Variants in MYRIP observed in about 807,000 individuals in gnomAD.
MYRIP encodes the protein myosin VIIA and Rab interacting protein.
Under a neutral mutation model 98.0 loss-of-function variants are expected in MYRIP, and 49 were observed. The ratio of observed to expected loss-of-function variants is 0.50; its 90% CI spans 0.40 to 0.63. MYRIP has a LOEUF of 0.63. MYRIP is among the 30% of genes least tolerant of loss of function. MYRIP has a pLI of 0.00. For missense variants in MYRIP, 1,004 were observed against 1,058.2 expected (o/e 0.95, Z 0.71); for synonymous variants, 404 against 409.5 (o/e 0.99, Z 0.16).
intron 3 of MYRIP, among the ~76,000 whole-genome samples, chr3:40,100,718 T>C (rs1341320177): frequency 6.6e-6 from 1 of 152,232 alleles, no homozygotes; most frequent in Admixed American, 6.5e-5. Context: ...TGACTTACTC[T>C]GGGCTAACCC....
chr3:39,849,475 G>A (rs1942062742), intron 1 of MYRIP, among the ~76,000 whole-genome samples: 1 of 152,224 alleles, frequency 6.6e-6, no homozygotes, highest in South Asian at 2.1e-4. Context: ...TCCACGGGAT[G>A]TGATGGATGA....
intron 2 of MYRIP, among the ~76,000 whole-genome samples, chr3:40,022,988 A>T (rs1403038171): frequency 2.0e-5 from 3 of 152,176 alleles, no homozygotes; most frequent in African/African-American, 7.2e-5. Context: ...AAAATGTGAG[A>T]CTGAAGACAT....
At chr3:40,195,238 G>T (rs1183051929) in intron 10 of MYRIP, among the ~76,000 whole-genome samples, 1 of 152,152 alleles carries the variant, frequency 6.6e-6, no homozygotes, top group Non-Finnish European at 1.5e-5. Context: ...TTTAAATCAG[G>T]AACGTGACTG....
intron 1 of MYRIP, among the ~76,000 whole-genome samples, chr3:39,883,739 A>T (rs576582963): frequency 6.6e-6 from 1 of 152,122 alleles, no homozygotes; most frequent in African/African-American, 2.4e-5. Context: ...GAAAATAAAT[A>T]AAAAAAGAAT....
At chr3:40,013,836 C>T (rs1431016996) in intron 2 of MYRIP, among the ~76,000 whole-genome samples, 2 of 152,210 alleles carry the variant, frequency 1.3e-5, no homozygotes, top group Admixed American at 6.5e-5. Flanking sequence ...GCAGCTCAGG[C>T]ATATCTGAGA....
intron 3 of MYRIP, among the ~76,000 whole-genome samples, chr3:40,109,159 T>C (rs1050017608): frequency 1.3e-5 from 2 of 152,210 alleles, no homozygotes; most frequent in Non-Finnish European, 2.9e-5. Context: ...CTAGGGTACA[T>C]GTGCGCTTCC....
At chr3:40,129,277 A>G (rs905431275) in intron 3 of MYRIP, among the ~76,000 whole-genome samples, 11 of 151,442 alleles carry the variant, frequency 7.3e-5, no homozygotes, top group Non-Finnish European at 1.6e-4. Flanking sequence ...GTCTCCACTA[A>G]AAATACAAAA....
intron 2 of MYRIP, among the ~76,000 whole-genome samples, chr3:39,991,270 T>G (rs1946168608): frequency 6.6e-6 from 1 of 152,246 alleles, no homozygotes; most frequent in African/African-American, 2.4e-5. Context: ...TCAGAGCATC[T>G]GTTCCTATTC....
chr3:40,237,744 A>C (rs1952862267), intron 12 of MYRIP, among the ~76,000 whole-genome samples: 1 of 152,232 alleles, frequency 6.6e-6, no homozygotes, highest in Non-Finnish European at 1.5e-5. Flanking sequence ...TCCTGGGCAC[A>C]CACAATTGAA....
At chr3:40,118,096 G>A (rs1398845074) in intron 3 of MYRIP, among the ~76,000 whole-genome samples, 1 of 152,040 alleles carries the variant, frequency 6.6e-6, no homozygotes, top group African/African-American at 2.4e-5. Context: ...CAACACAAAT[G>A]GCTCTTAAAC....
chr3:40,047,728 A>G (rs189515901), intron 3 of MYRIP, among the ~76,000 whole-genome samples: 2 of 152,310 alleles, frequency 1.3e-5, no homozygotes, highest in Admixed American at 6.5e-5. Context: ...GCATCCTGAA[A>G]TGTCTCTAAG....
intron 2 of MYRIP, among the ~76,000 whole-genome samples, chr3:39,955,115 A>G (rs896215717): frequency 2.6e-5 from 4 of 152,236 alleles, no homozygotes; most frequent in Admixed American, 6.5e-5. Context: ...GATATTATAC[A>G]GGAGAACTTC....
chr3:40,060,891 C>T (rs968039544), intron 3 of MYRIP, among the ~76,000 whole-genome samples: 1 of 152,050 alleles, frequency 6.6e-6, no homozygotes, highest in Non-Finnish European at 1.5e-5. Flanking sequence ...CCACGCCCGA[C>T]CTAGATATTT....
chr3:40,170,127 C>T, intron 8 of MYRIP, 34 bp downstream of exon 8: 1 of 1,611,042 alleles, frequency 6.2e-7, no homozygotes, highest in Non-Finnish European at 8.5e-7. Context: ...CTACCCTCCA[C>T]ACGTGCAGGT....
chr3:39,974,857 T>G (rs539519015), intron 2 of MYRIP, among the ~76,000 whole-genome samples: 125 of 152,300 alleles, frequency 8.2e-4, no homozygotes, highest in African/African-American at 2.9e-3. Flanking sequence ...CAACCCTTCA[T>G]GCTAAAAACT....
At chr3:39,870,606 T>C (rs1384710589) in intron 1 of MYRIP, among the ~76,000 whole-genome samples, 3 of 152,354 alleles carry the variant, frequency 2.0e-5, no homozygotes, top group African/African-American at 7.2e-5. Flanking sequence ...ATTCATGTTT[T>C]TTCCCATATC....
intron 10 of MYRIP, among the ~76,000 whole-genome samples, chr3:40,199,847 T>C (rs1951504025): frequency 6.6e-6 from 1 of 152,024 alleles, no homozygotes; most frequent in South Asian, 2.1e-4. Flanking sequence ...AATCATAATA[T>C]GGCTGAAAGC....
At chr3:40,239,004 C>G (rs1214173680) in intron 12 of MYRIP, among the ~76,000 whole-genome samples, 2 of 150,928 alleles carry the variant, frequency 1.3e-5, no homozygotes, top group Non-Finnish European at 3.0e-5. Flanking sequence ...TGCGCTGCAC[C>G]CACTAACTCG....
At chr3:39,943,001 G>T (rs140986823) in intron 2 of MYRIP, among the ~76,000 whole-genome samples, 1 of 152,070 alleles carries the variant, frequency 6.6e-6, no homozygotes, top group Non-Finnish European at 1.5e-5. Flanking sequence ...TCTCTGGAGC[G>T]GCTTCCAGTT....
Sources: allele counts gnomAD v4.1 joint callset (sites outside exome capture counted in the v4.1 genomes callset), GRCh38; gene constraint gnomAD v4.1.1; transcripts MANE v1.5; gene names NCBI Gene and HGNC (gene_info 2026-07-23, HGNC 2026-07-21).